MTSS1: variants seen among roughly 807,000 people sequenced by gnomAD.
The protein encoded by MTSS1 is MTSS I-BAR domain containing 1, also known as protein MTSS 1.
In MTSS1, 18 loss-of-function variants were observed where a neutral mutation model predicts 79.0. That is an observed-to-expected ratio of 0.23 (90% CI 0.16 to 0.34). MTSS1 has a LOEUF of 0.34. Ranked by LOEUF, MTSS1 falls within the 10% of genes least tolerant of loss-of-function variation. MTSS1 has a pLI of 1.00. For missense variants in MTSS1, 815 were observed against 986.2 expected (o/e 0.83, Z 2.33); for synonymous variants, 341 against 368.6 (o/e 0.93, Z 0.86).
chr8:124,688,240 ATGTT>A (rs1178077577), intron 3 of MTSS1, among the ~76,000 whole-genome samples: 1 of 151,172 alleles, frequency 6.6e-6, no homozygotes, highest in Non-Finnish European at 1.5e-5. Context: ...TATGTTGTGT[ATGTT>A]GTGCGTGTGT....
chr8:124,592,842 C>G (rs1321153534), intron 3 of MTSS1, among the ~76,000 whole-genome samples: 1 of 152,142 alleles, frequency 6.6e-6, no homozygotes, highest in African/African-American at 2.4e-5. Context: ...TATCCTTGGC[C>G]TCTACCCACC....
intron 3 of MTSS1, among the ~76,000 whole-genome samples, chr8:124,612,231 C>A (rs921031749): frequency 6.6e-6 from 1 of 152,194 alleles, no homozygotes; most frequent in Non-Finnish European, 1.5e-5. Context: ...CTCCTGACCA[C>A]AAGGCAGAGG....
At chr8:124,576,962 T>C (rs964191814) in intron 6 of MTSS1, among the ~76,000 whole-genome samples, 1 of 152,234 alleles carries the variant, frequency 6.6e-6, no homozygotes, top group African/African-American at 2.4e-5. Context: ...TGCCCCTGAA[T>C]GCAGCCACAG....
At position 124,687,875 on chromosome 8, in the gene MTSS1, T is replaced by C. The variant is rs138496107; in HGVS notation, c.208+11651A>G. On this transcript the variant is annotated intron_variant, in intron 3 of 13. Transcript: ENST00000518547. ...TCCCTTTCTGTCTTAGCAGAAACAG[T>C]ATTTTTTCATTTTACTTGTAATCAA... Among the ~76,000 whole-genome samples, 45 of 152,358 alleles carry C rather than the reference T, an allele frequency of 3.0e-4. No individual in the cohort carries two copies. The East Asian group carries it at 8.3e-3, about 28-fold the overall frequency.
At chr8:124,634,690 C>T (rs189349574) in intron 3 of MTSS1, among the ~76,000 whole-genome samples, 265 of 146,622 alleles carry the variant, frequency 1.8e-3, no homozygotes, top group African/African-American at 6.6e-3. Flanking sequence ...AAATATTTTT[C>T]CCTCTTGTAG....
At chr8:124,619,424 C>G (rs1010096572) in intron 3 of MTSS1, 2 of 152,532 alleles carry the variant, frequency 1.3e-5, no homozygotes, top group Non-Finnish European at 2.9e-5. Flanking sequence ...ACCCCTGTGC[C>G]CCGTCACACC....
intron 6 of MTSS1, chr8:124,580,516 G>A: frequency 6.5e-7 from 1 of 1,535,738 alleles, no homozygotes; most frequent in Non-Finnish European, 8.7e-7. Context: ...ACCACACCGT[G>A]AGCAGCCACC....
At chr8:124,691,497 C>T (rs1827928238) in intron 3 of MTSS1, among the ~76,000 whole-genome samples, 2 of 152,048 alleles carry the variant, frequency 1.3e-5, no homozygotes, top group African/African-American at 4.8e-5. Context: ...CACATATATA[C>T]AGTTTAGATG....
intron 3 of MTSS1, among the ~76,000 whole-genome samples, chr8:124,665,370 C>G (rs1047804845): frequency 6.6e-6 from 1 of 152,240 alleles, no homozygotes; most frequent in Non-Finnish European, 1.5e-5. Flanking sequence ...GACCTGAGTT[C>G]GTAACATTTC....
chr8:124,652,345 T>C (rs986730117), intron 3 of MTSS1, among the ~76,000 whole-genome samples: 3 of 152,052 alleles, frequency 2.0e-5, no homozygotes, highest in Non-Finnish European at 2.9e-5. Context: ...GGCTAATTTT[T>C]TGTAGAGACA....
chr8:124,601,813 G>A (rs1175916305), intron 3 of MTSS1, among the ~76,000 whole-genome samples: 5 of 152,202 alleles, frequency 3.3e-5, no homozygotes, highest in Admixed American at 6.5e-5. Flanking sequence ...ACACACGAGC[G>A]TCAGACTTGA....
At chr8:124,725,075 G>A (rs919544973) in intron 1 of MTSS1, among the ~76,000 whole-genome samples, 5 of 152,122 alleles carry the variant, frequency 3.3e-5, no homozygotes, top group South Asian at 4.2e-4. Flanking sequence ...TAGAATAAAC[G>A]GGAAACAAAC....
intron 1 of MTSS1, among the ~76,000 whole-genome samples, chr8:124,721,523 C>G (rs549980739): frequency 6.6e-6 from 1 of 150,926 alleles, no homozygotes; most frequent in East Asian, 2.0e-4. Context: ...AATTCTCCTG[C>G]CTCAGCCTAC....
intron 13 of MTSS1, among the ~76,000 whole-genome samples, chr8:124,554,412 C>A (rs1823134242): frequency 6.6e-6 from 1 of 152,200 alleles, no homozygotes; most frequent in African/African-American, 2.4e-5. Context: ...TAGTACCCCT[C>A]CAGTTGTGAC....
chr8:124,634,316 T>C (rs1297513180), intron 3 of MTSS1, among the ~76,000 whole-genome samples: 1 of 151,324 alleles, frequency 6.6e-6, no homozygotes, highest in African/African-American at 2.4e-5. Flanking sequence ...GTTTTTTTTA[T>C]AGTTTTTTTT....
intron 3 of MTSS1, among the ~76,000 whole-genome samples, chr8:124,670,962 G>A (rs1299710075): frequency 6.6e-6 from 1 of 152,008 alleles, no homozygotes; most frequent in Non-Finnish European, 1.5e-5. Flanking sequence ...TAAGAAATGG[G>A]CATCCTTAAT....
chr8:124,556,089 T>A, intron 12 of MTSS1, 143 bp downstream of exon 12: 1 of 1,548,924 alleles, frequency 6.5e-7, no homozygotes, highest in Non-Finnish European at 8.7e-7. Context: ...TCCCAGGGAC[T>A]TTGCTGTAGA....
intron 3 of MTSS1, among the ~76,000 whole-genome samples, chr8:124,657,090 A>C (rs1034855746): frequency 6.6e-6 from 1 of 152,210 alleles, no homozygotes; most frequent in African/African-American, 2.4e-5. Flanking sequence ...GATGTGAATG[A>C]ATGATTGTTA....
chr8:124,634,217 C>A (rs57348507), intron 3 of MTSS1, among the ~76,000 whole-genome samples: 1 of 151,868 alleles, frequency 6.6e-6, no homozygotes, highest in Admixed American at 6.6e-5. Context: ...GCAAGCAATC[C>A]TCCCACCTGA....
Sources: gnomAD v4.1 joint callset for allele counts (sites outside exome capture counted in the v4.1 genomes callset) on GRCh38, gnomAD v4.1.1 for gene constraint, MANE v1.5 for transcripts, NCBI Gene and HGNC (gene_info 2026-07-23, HGNC 2026-07-21) for gene names.